Variants in SPATA31H1 observed in about 807,000 individuals in gnomAD.
The protein encoded by SPATA31H1 is SPATA31 subfamily H member 1, also known as spermatogenesis-associated protein 31H1.
At chr2:27,550,828 C>T in the SPATA31H1 span, among the ~76,000 whole-genome samples, 1 of 151,878 alleles carries the variant, frequency 6.6e-6, no homozygotes, top group Non-Finnish European at 1.5e-5. Context: ...GAAAACAAAA[C>T]AACTGTGAAT....
chr2:27,581,366 T>C, the SPATA31H1 span: 152 of 1,612,568 alleles, frequency 9.4e-5, 1 homozygote, highest in South Asian at 1.5e-3. Context: ...GGAAAAACCA[T>C]TCCAGTCCTT....
the SPATA31H1 span, chr2:27,577,744 T>A: frequency 6.2e-7 from 1 of 1,614,060 alleles, no homozygotes; most frequent in Non-Finnish European, 8.5e-7. The surrounding 1 kb of genome is among the most constrained non-coding windows in gnomAD (Gnocchi z 4.5). Flanking sequence ...TCTCCAGGGA[T>A]AATATCAGGG....
chr2:27,576,479 T>A, the SPATA31H1 span: 1 of 941,588 alleles, frequency 1.1e-6, no homozygotes, highest in Non-Finnish European at 1.6e-6. Flanking sequence ...AACCTCAAAG[T>A]GTAAATTCTT....
chr2:27,551,779 A>G, the SPATA31H1 span, among the ~76,000 whole-genome samples: 1 of 152,040 alleles, frequency 6.6e-6, no homozygotes, highest in Admixed American at 6.5e-5. Context: ...CTAAATGTTA[A>G]GCACATCTGA....
At chr2:27,580,533 C>T in the SPATA31H1 span, 6 of 1,614,142 alleles carry the variant, frequency 3.7e-6, no homozygotes, top group Non-Finnish European at 5.1e-6. Flanking sequence ...ATTAGCAGCC[C>T]ATTTAAGAAG....
the SPATA31H1 span, chr2:27,566,822 T>C: frequency 1.8e-5 from 13 of 717,784 alleles, no homozygotes; most frequent in Admixed American, 1.0e-4. Flanking sequence ...AGAAGACTGT[T>C]CTATGCTGTT....
chr2:27,566,409 G>C, the SPATA31H1 span: 271 of 716,146 alleles, frequency 3.8e-4, no homozygotes, highest in Non-Finnish European at 5.4e-4. Context: ...TTTCTGGGTG[G>C]GGATTGAAGG....
At chr2:27,577,767 G>C in the SPATA31H1 span, 1 of 1,613,978 alleles carries the variant, frequency 6.2e-7, no homozygotes, top group South Asian at 1.1e-5. This position sits in a 1 kb window ranked among gnomAD's most constrained non-coding sequence, Gnocchi z 4.5. Flanking sequence ...AGGACATCAA[G>C]TCCCAGAATC....
chr2:27,563,342 A>G, the SPATA31H1 span, among the ~76,000 whole-genome samples: 1 of 143,542 alleles, frequency 7.0e-6, no homozygotes, highest in Admixed American at 7.0e-5. Flanking sequence ...CATATTCATT[A>G]ATGTGTAGTT....
At chr2:27,579,303 AC>A in the SPATA31H1 span, 2 of 1,614,234 alleles carry the variant, frequency 1.2e-6, no homozygotes, top group Admixed American at 3.3e-5. Context: ...TTGTTCTCAA[AC>A]ATCTTTAGCA....
the SPATA31H1 span, chr2:27,582,318 A>G: frequency 6.2e-7 from 1 of 1,614,162 alleles, no homozygotes; most frequent in East Asian, 2.2e-5. Context: ...CTCTGAGATG[A>G]GGCCAGGGAG....
At chr2:27,579,068 G>A in the SPATA31H1 span, 3 of 1,614,184 alleles carry the variant, frequency 1.9e-6, no homozygotes, top group Non-Finnish European at 2.5e-6. Flanking sequence ...AGCAAATGGA[G>A]GAGCTAGAGA....
At chr2:27,565,460 T>C in the SPATA31H1 span, 1 of 709,826 alleles carries the variant, frequency 1.4e-6, no homozygotes, top group African/African-American at 1.8e-5. Flanking sequence ...ACTCTAGCCT[T>C]AAATAGCAGG....
At chr2:27,579,030 G>A in the SPATA31H1 span, 4 of 1,614,184 alleles carry the variant, frequency 2.5e-6, no homozygotes, top group South Asian at 3.3e-5. Flanking sequence ...AGGAGTGGAT[G>A]TAATATCTAA....
chr2:27,570,194 A>C, the SPATA31H1 span: 1 of 398,724 alleles, frequency 2.5e-6, no homozygotes, highest in Non-Finnish European at 4.4e-6. Context: ...TCGAAGATAT[A>C]AAGTCTCTAG....
chr2:27,573,480 C>T, the SPATA31H1 span: 31 of 398,354 alleles, frequency 7.8e-5, no homozygotes, highest in Non-Finnish European at 1.1e-4. Context: ...TGAGTTGACT[C>T]CAAGGCCAAA....
the SPATA31H1 span, chr2:27,581,519 C>G: frequency 6.2e-7 from 1 of 1,609,212 alleles, no homozygotes; most frequent in Admixed American, 1.7e-5. Flanking sequence ...ATCACAGTCC[C>G]TCAGAGAGAA....
the SPATA31H1 span, chr2:27,568,556 C>G: frequency 5.0e-6 from 2 of 399,034 alleles, no homozygotes; most frequent in African/African-American, 2.1e-5. Context: ...AATCTGGGGG[C>G]TTGACCCCAA....
At chr2:27,555,693 A>G in the SPATA31H1 span, among the ~76,000 whole-genome samples, 42,290 of 151,786 alleles carry the variant, frequency 0.28, 6,510 homozygotes, top group East Asian at 0.49. Context: ...AGGAAAAAAA[A>G]TATCTAGGTA....
Sources: allele counts gnomAD v4.1 joint callset (sites outside exome capture counted in the v4.1 genomes callset), GRCh38; gene constraint gnomAD v4.1.1; non-coding constraint Gnocchi (gnomAD v3.1); transcripts MANE v1.5; gene names NCBI Gene and HGNC (gene_info 2026-07-23, HGNC 2026-07-21).